The following SORCS1 variants were observed in gnomAD, a reference collection of about 807,000 sequenced individuals.
SORCS1 encodes the protein sortilin related VPS10 domain containing receptor 1, also known as VPS10 domain-containing receptor SorCS1.
Under a neutral mutation model 146.1 loss-of-function variants are expected in SORCS1, and 60 were observed. The ratio of observed to expected loss-of-function variants is 0.41; its 90% CI spans 0.33 to 0.51. SORCS1 has a LOEUF of 0.51. Ranked by LOEUF, SORCS1 falls within the 20% of genes least tolerant of loss-of-function variation. The probability of loss-of-function intolerance (pLI) is 0.21; values close to 1 mark genes in which losing one functional copy is unlikely to be tolerated. For synonymous variants in SORCS1, 637 were observed against 584.0 expected (o/e 1.09, Z -1.31); for missense variants, 1,352 against 1,487.6 (o/e 0.91, Z 1.50).
chr10:107,078,093 A>C (rs755627280), intron 1 of SORCS1, among the ~76,000 whole-genome samples: 10 of 152,176 alleles, frequency 6.6e-5, no homozygotes, highest in Non-Finnish European at 1.3e-4. Flanking sequence ...GGAACACTAA[A>C]TATTAGTTTC....
At chr10:107,052,317 A>C (rs547416983) in intron 1 of SORCS1, among the ~76,000 whole-genome samples, 12 of 152,262 alleles carry the variant, frequency 7.9e-5, no homozygotes, top group Non-Finnish European at 1.0e-4. Flanking sequence ...AGATTTCAAG[A>C]TATGTCTAAT....
intron 9 of SORCS1, among the ~76,000 whole-genome samples, chr10:106,693,799 A>G (rs1317107879): frequency 6.6e-6 from 1 of 152,156 alleles, no homozygotes; most frequent in African/African-American, 2.4e-5. Context: ...ATTATAAATC[A>G]ATTCAAAGGA....
At chr10:106,983,085 T>C (rs1244713353) in intron 1 of SORCS1, among the ~76,000 whole-genome samples, 1 of 149,744 alleles carries the variant, frequency 6.7e-6, no homozygotes, top group East Asian at 1.9e-4. Context: ...ATACAGTTTA[T>C]TTCCTCATTA....
intron 1 of SORCS1, among the ~76,000 whole-genome samples, chr10:106,983,163 T>C (rs1956306171): frequency 6.8e-6 from 1 of 147,354 alleles, no homozygotes; most frequent in Non-Finnish European, 1.5e-5. Context: ...TACACATATT[T>C]CTATATATAA....
intron 3 of SORCS1, among the ~76,000 whole-genome samples, chr10:106,788,711 C>A (rs1414163150): frequency 1.3e-5 from 2 of 152,208 alleles, no homozygotes; most frequent in East Asian, 3.9e-4. Context: ...GGGTACGGCA[C>A]CCCTCCCACA....
intron 1 of SORCS1, among the ~76,000 whole-genome samples, chr10:107,038,500 C>A (rs1227708990): frequency 2.0e-5 from 3 of 152,026 alleles, no homozygotes; most frequent in Non-Finnish European, 4.4e-5. Context: ...TGTAACAAAC[C>A]TGCACATTGT....
intron 3 of SORCS1, among the ~76,000 whole-genome samples, chr10:106,782,733 C>G (rs778174558): frequency 6.6e-6 from 1 of 152,216 alleles, no homozygotes; most frequent in Admixed American, 6.5e-5. Flanking sequence ...CGTACAAACA[C>G]TATTTTACTG....
intron 9 of SORCS1, 122 bp from the exon 10 acceptor site, chr10:106,688,460 T>G: frequency 2.7e-6 from 3 of 1,115,324 alleles, no homozygotes; most frequent in Non-Finnish European, 3.8e-6. Flanking sequence ...GAAAGAAAGG[T>G]TGACGATGGG....
At chr10:106,790,575 T>C (rs1183366652) in intron 3 of SORCS1, among the ~76,000 whole-genome samples, 1 of 152,158 alleles carries the variant, frequency 6.6e-6, no homozygotes, top group African/African-American at 2.4e-5. Flanking sequence ...ATACTTTTTT[T>C]TGAGAGGCTT....
chr10:107,064,067 A>C (rs944403279), intron 1 of SORCS1, among the ~76,000 whole-genome samples: 2 of 152,172 alleles, frequency 1.3e-5, no homozygotes, highest in Admixed American at 6.5e-5. Context: ...CCTTTCACTA[A>C]TAGTTTTTAT....
At chr10:106,860,402 C>T (rs1344756760) in intron 2 of SORCS1, among the ~76,000 whole-genome samples, 1 of 152,228 alleles carries the variant, frequency 6.6e-6, no homozygotes, top group African/African-American at 2.4e-5. Context: ...CATTACCCTA[C>T]ACTCCTGAAT....
At chr10:106,956,248 G>T (rs1003414528) in intron 2 of SORCS1, among the ~76,000 whole-genome samples, 1 of 152,180 alleles carries the variant, frequency 6.6e-6, no homozygotes, top group African/African-American at 2.4e-5. Context: ...TCACAGGTCA[G>T]TGAGACAGTG....
At position 106,957,360 on chromosome 10, in the gene SORCS1, T is replaced by TG. The variant is rs537918932; in HGVS notation, c.559-781dup. 1.4e-3 allele frequency among the ~76,000 whole-genome samples: 211 copies of TG among 151,858 alleles called. 3 individuals are homozygous for TG. Among genetic ancestry groups the TG allele is most frequent in the Middle Eastern group, 3.4e-3 (1 of 294 alleles). ...GGCTAATTTTTTGCATTTTTAGAGA[T>TG]GGGGTTTCGCCATGTTGGGTAGGCT... On this transcript the variant is annotated intron_variant, in intron 1 of 25. Transcript: ENST00000263054.
chr10:106,764,331 G>A (rs938700679), intron 4 of SORCS1, among the ~76,000 whole-genome samples: 4 of 152,152 alleles, frequency 2.6e-5, no homozygotes, highest in African/African-American at 4.8e-5. Context: ...TCAAGTTAAC[G>A]TGTTAATTAA....
chr10:106,957,586 G>A (rs1449631414), intron 1 of SORCS1, among the ~76,000 whole-genome samples: 1 of 152,100 alleles, frequency 6.6e-6, no homozygotes, highest in Non-Finnish European at 1.5e-5. Context: ...CACATTGGCA[G>A]GGCTAAACGA....
chr10:106,886,087 C>A (rs984166571), intron 2 of SORCS1, among the ~76,000 whole-genome samples: 1 of 152,060 alleles, frequency 6.6e-6, no homozygotes, highest in African/African-American at 2.4e-5. Context: ...CATGGTGAAA[C>A]CCCATTTCTA....
chr10:107,125,958 C>T (rs1241360944), intron 1 of SORCS1, among the ~76,000 whole-genome samples: 1 of 152,140 alleles, frequency 6.6e-6, no homozygotes, highest in East Asian at 1.9e-4. Flanking sequence ...CCTTTTGTCC[C>T]TAAGGTGATT....
intron 2 of SORCS1, among the ~76,000 whole-genome samples, chr10:106,830,366 T>G (rs987127734): frequency 6.6e-5 from 10 of 152,186 alleles, no homozygotes; most frequent in Non-Finnish European, 8.8e-5. Flanking sequence ...GAAGGTCTAC[T>G]CTATTTCAGA....
chr10:107,068,491 CAGTA>C (rs1386223777), intron 1 of SORCS1, among the ~76,000 whole-genome samples: 2 of 152,150 alleles, frequency 1.3e-5, no homozygotes, highest in Non-Finnish European at 2.9e-5. Context: ...AGTGACCAAC[CAGTA>C]AGTATTTGAA....
Sources: allele counts gnomAD v4.1 joint callset (sites outside exome capture counted in the v4.1 genomes callset), GRCh38; gene constraint gnomAD v4.1.1; transcripts MANE v1.5; gene names NCBI Gene and HGNC (gene_info 2026-07-23, HGNC 2026-07-21).